Variants in PTPRD observed in about 807,000 individuals in gnomAD.
PTPRD encodes protein tyrosine phosphatase receptor type D, also known as receptor-type tyrosine-protein phosphatase delta.
In PTPRD, 34 loss-of-function variants were observed where a neutral mutation model predicts 214.5. That is an observed-to-expected ratio of 0.16 (90% CI 0.12 to 0.21). The LOEUF (loss-of-function observed/expected upper bound fraction) is 0.21. PTPRD is among the 10% of genes least tolerant of loss of function. PTPRD has a pLI of 1.00. For synonymous variants in PTPRD, 1,128 were observed against 845.7 expected (o/e 1.33, Z -5.79); for missense variants, 2,545 against 2,398.7 (o/e 1.06, Z -1.27).
chr9:10,029,745 G>A (rs969889470), intron 4 of PTPRD, among the ~76,000 whole-genome samples: 1 of 152,176 alleles, frequency 6.6e-6, no homozygotes, highest in African/African-American at 2.4e-5. Context: ...TGAGACTTTG[G>A]ACTGTGGAGT....
At chr9:10,175,261 AAT>A (rs1413591965) in intron 3 of PTPRD, among the ~76,000 whole-genome samples, 2 of 152,034 alleles carry the variant, frequency 1.3e-5, no homozygotes, top group Admixed American at 6.6e-5. Flanking sequence ...TTGAAAAACT[AAT>A]ATACTACTAT....
chr9:10,341,800 C>A (rs2096944162), intron 2 of PTPRD, among the ~76,000 whole-genome samples: 1 of 151,468 alleles, frequency 6.6e-6, no homozygotes, highest in African/African-American at 2.4e-5. Context: ...ATAGAAAGCA[C>A]CAGCTGATAT....
At chr9:9,997,579 G>A (rs1376892200) in intron 4 of PTPRD, among the ~76,000 whole-genome samples, 3 of 152,110 alleles carry the variant, frequency 2.0e-5, no homozygotes, top group Non-Finnish European at 4.4e-5. Flanking sequence ...GTGAGCCACC[G>A]TGCCTGGCCA....
chr9:8,802,283 G>A (rs1035985629), intron 11 of PTPRD, among the ~76,000 whole-genome samples: 1 of 152,146 alleles, frequency 6.6e-6, no homozygotes, highest in Non-Finnish European at 1.5e-5. Context: ...ACAAGTCTGA[G>A]TGTAGAAAGC....
intron 10 of PTPRD, among the ~76,000 whole-genome samples, chr9:9,048,278 T>G (rs1167411159): frequency 3.3e-5 from 5 of 152,106 alleles, no homozygotes; most frequent in Non-Finnish European, 5.9e-5. Flanking sequence ...AGCTAACACA[T>G]GATCCAGCAA....
At chr9:9,033,627 G>A (rs905015735) in intron 10 of PTPRD, among the ~76,000 whole-genome samples, 1 of 152,008 alleles carries the variant, frequency 6.6e-6, no homozygotes, top group African/African-American at 2.4e-5. Flanking sequence ...TTGATTGGCT[G>A]CAATTCTGAA....
chr9:9,899,230 C>T (rs547232390), intron 5 of PTPRD, among the ~76,000 whole-genome samples: 1 of 151,884 alleles, frequency 6.6e-6, no homozygotes, highest in South Asian at 2.1e-4. Context: ...GATGAAAGAA[C>T]TCATAGATCT....
At chr9:8,366,971 C>T (rs1038023152) in intron 39 of PTPRD, among the ~76,000 whole-genome samples, 3 of 152,140 alleles carry the variant, frequency 2.0e-5, no homozygotes, top group African/African-American at 7.2e-5. Context: ...ACGCCTACGG[C>T]CTGTTCTTTT....
intron 2 of PTPRD, among the ~76,000 whole-genome samples, chr9:10,588,595 A>C (rs190539600): frequency 6.6e-6 from 1 of 152,206 alleles, no homozygotes. Context: ...CATATATTGA[A>C]AATTATAAAG....
chr9:10,140,652 C>T (rs781344103), intron 3 of PTPRD, among the ~76,000 whole-genome samples: 2 of 151,992 alleles, frequency 1.3e-5, no homozygotes, highest in African/African-American at 2.4e-5. Flanking sequence ...GATTGACAGC[C>T]GAATTCTCCC....
chr9:10,566,642 T>C (rs1340886567), intron 2 of PTPRD, among the ~76,000 whole-genome samples: 3 of 151,994 alleles, frequency 2.0e-5, no homozygotes, highest in African/African-American at 7.2e-5. Context: ...GTCTTTTCTT[T>C]TCACTCTCAT....
chr9:8,324,421 G>A (rs1587505641), intron 44 of PTPRD, among the ~76,000 whole-genome samples: 1 of 152,174 alleles, frequency 6.6e-6, no homozygotes, highest in East Asian at 1.9e-4. Context: ...CCCTGCAAAG[G>A]ACATGAACTC....
intron 3 of PTPRD, among the ~76,000 whole-genome samples, chr9:10,095,850 C>T (rs1335387763): frequency 6.6e-6 from 1 of 151,500 alleles, no homozygotes; most frequent in Non-Finnish European, 1.5e-5. Flanking sequence ...CTACCCAGAC[C>T]TCTGACATTG....
At chr9:9,326,010 T>C (rs1969921495) in intron 9 of PTPRD, among the ~76,000 whole-genome samples, 1 of 152,142 alleles carries the variant, frequency 6.6e-6, no homozygotes. Flanking sequence ...GATGTGTGTA[T>C]GTTGAACCAG....
chr9:9,175,622 C>CAAAAAAAAAAA (rs55707715), intron 10 of PTPRD, among the ~76,000 whole-genome samples: 1 of 45,274 alleles, frequency 2.2e-5, no homozygotes, highest in African/African-American at 8.9e-5. Context: ...GACTCTGTCT[C>CAAAAAAAAAAA]AAAAAAAAAA....
intron 14 of PTPRD, among the ~76,000 whole-genome samples, chr9:8,577,780 T>G (rs1374176397): frequency 6.6e-6 from 1 of 152,160 alleles, no homozygotes. Flanking sequence ...ACCTGGGAAC[T>G]CATTAAAAAT....
chr9:9,947,048 C>T (rs1426771015), intron 4 of PTPRD, among the ~76,000 whole-genome samples: 2 of 150,698 alleles, frequency 1.3e-5, no homozygotes, highest in Non-Finnish European at 3.0e-5. Context: ...GTTTTTATCC[C>T]AAGAGCCCCA....
intron 2 of PTPRD, among the ~76,000 whole-genome samples, chr9:10,530,658 T>G (rs549828141): frequency 6.6e-6 from 1 of 152,074 alleles, no homozygotes; most frequent in Non-Finnish European, 1.5e-5. Flanking sequence ...AAATAATAAT[T>G]AATCATAATG....
chr9:10,573,395 T>C (rs1212201041), intron 2 of PTPRD, among the ~76,000 whole-genome samples: 1 of 152,154 alleles, frequency 6.6e-6, no homozygotes, highest in Non-Finnish European at 1.5e-5. Context: ...TGTATACACA[T>C]CCAGTAATTA....
Sources: gnomAD v4.1 joint callset for allele counts (sites outside exome capture counted in the v4.1 genomes callset) on GRCh38, gnomAD v4.1.1 for gene constraint, MANE v1.5 for transcripts, NCBI Gene and HGNC (gene_info 2026-07-23, HGNC 2026-07-21) for gene names.